Variants in KCNN2 observed in about 807,000 individuals in gnomAD.
KCNN2 encodes small conductance calcium-activated potassium channel protein 2.
A neutral mutation model predicts 55.5 loss-of-function variants in KCNN2; 24 were observed. The observed-to-expected ratio is 0.43, with a 90% CI of 0.31 to 0.61. The LOEUF is 0.61. Among genes scored for constraint, KCNN2 ranks in the 20% least tolerant of loss-of-function variants. The probability of loss-of-function intolerance (pLI) is 0.08; values close to 1 mark genes in which losing one functional copy is unlikely to be tolerated. For missense variants in KCNN2, 754 were observed against 853.6 expected, an observed-to-expected ratio of 0.88 and a Z score of 1.45; for synonymous variants, 431 against 336.1, an observed-to-expected ratio of 1.28 and a Z score of -3.09.
intron 2 of KCNN2, among the ~76,000 whole-genome samples, chr5:114,378,240 TG>T (rs1561595669): frequency 6.6e-6 from 1 of 152,192 alleles, no homozygotes; most frequent in Non-Finnish European, 1.5e-5. Context: ...TTGCCGCTTT[TG>T]TGCTACGATG....
intron 1 of KCNN2, among the ~76,000 whole-genome samples, chr5:114,180,838 T>TA (rs1753224025): frequency 6.6e-6 from 1 of 152,198 alleles, no homozygotes; most frequent in Non-Finnish European, 1.5e-5. Flanking sequence ...GATTTTGTCT[T>TA]ACTATTTCTG....
chr5:114,106,370 G>A (rs1446265449), intron 1 of KCNN2, among the ~76,000 whole-genome samples: 1 of 151,124 alleles, frequency 6.6e-6, no homozygotes, highest in African/African-American at 2.4e-5. Context: ...ATCTAGGAGT[G>A]GAATTGCTTG....
intron 1 of KCNN2, among the ~76,000 whole-genome samples, chr5:114,175,744 TTTAA>T (rs1444195472): frequency 3.3e-4 from 51 of 152,296 alleles, no homozygotes; most frequent in African/African-American, 1.2e-3. Context: ...TATGAAATAT[TTTAA>T]TTCTTTTGTG....
At chr5:114,492,912 C>G (rs1308250594) in intron 6 of KCNN2, among the ~76,000 whole-genome samples, 2 of 151,656 alleles carry the variant, frequency 1.3e-5, no homozygotes, top group Admixed American at 6.6e-5. Flanking sequence ...ATAAGAATCT[C>G]ACTTATCACT....
intron 2 of KCNN2, among the ~76,000 whole-genome samples, chr5:114,291,088 T>C (rs1223325448): frequency 6.6e-6 from 1 of 152,040 alleles, no homozygotes; most frequent in Non-Finnish European, 1.5e-5. Flanking sequence ...GTACATGGGA[T>C]TATAAAGGAA....
chr5:114,107,451 C>G (rs1021620882), intron 1 of KCNN2, among the ~76,000 whole-genome samples: 1 of 152,122 alleles, frequency 6.6e-6, no homozygotes, highest in East Asian at 1.9e-4. Flanking sequence ...ATGGCACAAT[C>G]ATGGCTCGCT....
intron 1 of KCNN2, among the ~76,000 whole-genome samples, chr5:114,113,997 A>G (rs183227926): frequency 1.3e-5 from 2 of 152,232 alleles, no homozygotes; most frequent in East Asian, 1.9e-4. Context: ...CACCTTCAGT[A>G]TCATAGATAG....
intron 2 of KCNN2, among the ~76,000 whole-genome samples, chr5:114,236,601 A>G (rs936266145): frequency 2.6e-5 from 4 of 152,146 alleles, no homozygotes; most frequent in African/African-American, 4.8e-5. Flanking sequence ...AATGACTGAC[A>G]TTAGGCCATA....
intron 1 of KCNN2, among the ~76,000 whole-genome samples, chr5:114,180,509 G>T (rs1458603150): frequency 2.6e-5 from 4 of 151,850 alleles, no homozygotes; most frequent in Non-Finnish European, 5.9e-5. Context: ...ACTTTTAAAA[G>T]AAAAATATAA....
chr5:114,083,608 T>C (rs10076101), intron 1 of KCNN2, among the ~76,000 whole-genome samples: 1,670 of 152,236 alleles, frequency 0.011, 46 homozygotes, highest in African/African-American at 0.038. Flanking sequence ...ACCTCGTCTC[T>C]CTCTTATTTA....
At chr5:114,233,590 T>C (rs1754406266) in intron 2 of KCNN2, among the ~76,000 whole-genome samples, 1 of 152,186 alleles carries the variant, frequency 6.6e-6, no homozygotes, top group African/African-American at 2.4e-5. Flanking sequence ...GGGAAACCGC[T>C]TTCTTTTTCC....
At chr5:114,109,467 G>A (rs186901152) in intron 1 of KCNN2, among the ~76,000 whole-genome samples, 1 of 152,222 alleles carries the variant, frequency 6.6e-6, no homozygotes, top group African/African-American at 2.4e-5. Flanking sequence ...ACAGGATGTA[G>A]GGATAATTGG....
chr5:114,168,441 C>T (rs949336323), intron 1 of KCNN2, among the ~76,000 whole-genome samples: 3 of 152,038 alleles, frequency 2.0e-5, no homozygotes, highest in African/African-American at 7.2e-5. Flanking sequence ...ATGACTAAGC[C>T]AACTTTGTCC....
At chr5:114,199,091 T>G (rs1753617487) in intron 1 of KCNN2, among the ~76,000 whole-genome samples, 1 of 152,148 alleles carries the variant, frequency 6.6e-6, no homozygotes. Flanking sequence ...ATTTGTTTCA[T>G]GAATTTGGAT....
chr5:114,234,338 T>C (rs1754428224), intron 2 of KCNN2, among the ~76,000 whole-genome samples: 1 of 152,224 alleles, frequency 6.6e-6, no homozygotes, highest in South Asian at 2.1e-4. Flanking sequence ...CCTTGTGCGA[T>C]GTGCGATGGT....
intron 2 of KCNN2, among the ~76,000 whole-genome samples, chr5:114,275,210 T>C (rs1473835730): frequency 6.6e-6 from 1 of 152,192 alleles, no homozygotes; most frequent in Non-Finnish European, 1.5e-5. Flanking sequence ...GATAAGCTTT[T>C]TGATGTGCTG....
intron 1 of KCNN2, among the ~76,000 whole-genome samples, chr5:114,199,833 C>T (rs1753636112): frequency 6.6e-6 from 1 of 152,058 alleles, no homozygotes; most frequent in Admixed American, 6.5e-5. Flanking sequence ...AAAGTGCCAT[C>T]TCATTCTCTT....
intron 1 of KCNN2, among the ~76,000 whole-genome samples, chr5:114,106,640 G>GTTTTTTTTTTTT (rs1352770725): frequency 1.1e-5 from 1 of 92,772 alleles, no homozygotes; most frequent in African/African-American, 3.9e-5. Flanking sequence ...GGATTTTCCA[G>GTTTTTTTTTTTT]TTGTTTTTTT....
intron 3 of KCNN2, among the ~76,000 whole-genome samples, chr5:114,459,186 TTG>T (rs1761077702): frequency 6.6e-6 from 1 of 152,230 alleles, no homozygotes; most frequent in Non-Finnish European, 1.5e-5. Flanking sequence ...CTTACAGTCT[TTG>T]TCTCTGAAGC....
Sources: gnomAD v4.1 joint callset for allele counts (sites outside exome capture counted in the v4.1 genomes callset) on GRCh38, gnomAD v4.1.1 for gene constraint, MANE v1.5 for transcripts, NCBI Gene and HGNC (gene_info 2026-07-23, HGNC 2026-07-21) for gene names.